The following HDGFL2 variants were observed in gnomAD, a reference collection of about 807,000 sequenced individuals.
HDGFL2 encodes the protein hepatoma-derived growth factor-related protein 2.
HDGFL2 carries 36 observed loss-of-function variants against 77.1 expected under a neutral mutation model. That is an observed-to-expected ratio of 0.47 (90% confidence interval 0.36 to 0.62). HDGFL2 has a LOEUF of 0.62. Among genes scored for constraint, HDGFL2 ranks in the 20% least tolerant of loss-of-function variants. The pLI is 0.00. For synonymous variants in HDGFL2, 463 were observed against 413.1 expected (o/e 1.12, Z -1.46); for missense variants, 976 against 973.4 (o/e 1.00, Z -0.04).
chr19:4,491,249 A>G (rs146996239), intron 4 of HDGFL2, among the ~76,000 whole-genome samples: 1 of 39,474 alleles, frequency 2.5e-5, no homozygotes, highest in Admixed American at 2.9e-4. Context: ...CACTCCCACC[A>G]CCCACCCCCC....
rs191044122 is a variant in HDGFL2, at chr19:4,481,151, A to T, written c.288+5568A>T. On this transcript the variant is annotated intron_variant, in intron 3 of 15. Transcript: ENST00000616600. ...ATTCTCCTGCCTCAGCCTCCCGAGT[A>T]GCTGGGACTACAGGCGTCCCCCACC... Among the ~76,000 whole-genome samples the T allele has an allele frequency of 5.7e-3, 821 of 145,250 alleles. 10 individuals are homozygous for T. The highest frequency in any genetic ancestry group is 0.02 in the African/African-American group (780 of 39,120).
chr19:4,497,823 C>T (rs976492880), intron 10 of HDGFL2, 135 bp from the exon 11 acceptor site: 31 of 760,778 alleles, frequency 4.1e-5, no homozygotes, highest in African/African-American at 1.4e-4. Context: ...CCCCGCCTCC[C>T]GTTTCCCGGC....
rs187866505 is a variant in HDGFL2, at chr19:4,482,950, G to C, written c.289-5726G>C. On this transcript the variant is annotated intron_variant, in intron 3 of 15. Transcript: ENST00000616600. The stretch of plus-strand genomic sequence containing the variant: ...GGAGGGAGCGACCAGGAAGGAGCCC[G>C]GGGCTCCTCATTCTCTGAGCTGCTA... Among the ~76,000 whole-genome samples the C allele has an allele frequency of 2.3e-3, 356 of 152,176 alleles. 1 individual carries two copies. The highest frequency in any genetic ancestry group is 7.8e-3 in the African/African-American group (325 of 41,546).
At chr19:4,494,511 C>T in intron 9 of HDGFL2, 36 bp downstream of exon 9, 1 of 1,341,676 alleles carries the variant, frequency 7.5e-7, no homozygotes, top group Non-Finnish European at 9.6e-7. Context: ...CCTGCCTTCA[C>T]TCCACACGTT....
rs1459303588 is a variant in HDGFL2 at position 4,475,921 on chromosome 19, G to T, written c.288+338G>T. Among the ~76,000 whole-genome samples, 7 of 148,550 alleles carry T rather than the reference G, an allele frequency of 4.7e-5. No individual in the cohort carries two copies. In the South Asian group the frequency reaches 8.4e-4, roughly 18 times the overall value. On this transcript the variant is annotated intron_variant, in intron 3 of 15. Transcript: ENST00000616600. ...TTTTTTTTTTTTGAGACAGAGTCTCGCTCTGTTGTCCAGGATGGAGTGCAG... is the reference window on the plus strand; with the variant it reads ...TTTTTTTTTTTTGAGACAGAGTCTCTCTCTGTTGTCCAGGATGGAGTGCAG...
chr19:4,488,674 A>G lies in HDGFL2; in HGVS notation c.289-2A>G. 6.5e-7 allele frequency: 1 copy of G among 1,541,992 alleles called. No homozygotes were observed. ...GCGCGTTCTCTGCCCCGACTCCCAC[A>G]GCCAGTGAGCTCCTCCGACAGCGAG... On this transcript the variant is annotated splice_acceptor_variant, in intron 3 of 15. Transcript: ENST00000616600. LOFTEE classifies it high-confidence loss of function.
At chr19:4,499,860 T>C (rs529241584) in intron 14 of HDGFL2, among the ~76,000 whole-genome samples, 156 bp downstream of exon 14, 2 of 152,324 alleles carry the variant, frequency 1.3e-5, no homozygotes, top group South Asian at 4.1e-4. Context: ...AGACCCGGCT[T>C]TAATCCCTGG....
rs757246847 is a variant in HDGFL2 at position 4,501,976 on chromosome 19, G to T, written c.1982G>T (p.Arg661Leu). The T allele has an allele frequency of 3.3e-6, 5 of 1,511,728 alleles. No individual in the cohort carries two copies. The highest frequency in any genetic ancestry group is 2.5e-5 in the South Asian group (2 of 79,314). The allele number at this position is 1,511,728 out of a possible 1,614,324, so 93.6% of individuals were successfully genotyped here. Residue 661 changes from arginine (R) to leucine (L), a missense_variant, in exon 16 of 16, where the codon CGG (arginine) becomes CTG (leucine). Coordinates refer to ENST00000616600, the MANE Select transcript of HDGFL2 (RefSeq NM_001001520.3). The part of the protein sequence containing the change: ...GSDRQERERA[R>L]GDSEALDEES Reference sequence around the variant, plus strand: ...GACCGGCAGGAGCGCGAGAGGGCACGGGGGGACTCGGAGGCCCTGGACGAG... The same window carrying T: ...GACCGGCAGGAGCGCGAGAGGGCACTGGGGGACTCGGAGGCCCTGGACGAG...
intron 2 of HDGFL2, 29 bp from the exon 3 acceptor site, chr19:4,475,416 T>C (rs372544022): frequency 3.8e-5 from 61 of 1,613,880 alleles, no homozygotes; most frequent in Non-Finnish European, 4.8e-5. Flanking sequence ...CTCACTCACC[T>C]GGGACTGGCC....
Position 4,483,252 on chromosome 19 carries a change from C to G in HDGFL2, c.289-5424C>G, listed in dbSNP as rs888550175. Among the ~76,000 whole-genome samples the G allele has an allele frequency of 2.0e-5, 3 of 152,334 alleles. No homozygotes were observed. The East Asian group carries it at 5.8e-4, about 29-fold the overall frequency. On this transcript the variant is annotated intron_variant, in intron 3 of 15. Transcript: ENST00000616600. The stretch of plus-strand genomic sequence containing the variant: ...CCGAGCGGTGACGCTTCACCACACC[C>G]GGTTCTCGTTTTCCTTGTGTGCTGA...
chr19:4,487,654 C>G (rs139161469), intron 3 of HDGFL2, among the ~76,000 whole-genome samples: 11 of 152,288 alleles, frequency 7.2e-5, no homozygotes, highest in Non-Finnish European at 1.3e-4. Flanking sequence ...CAGGGTCTCC[C>G]GCTAGAAAAC....
Position 4,490,461 on chromosome 19 carries a change from G to A in HDGFL2, c.490-1105G>A, listed in dbSNP as rs560657826. On this transcript the variant is annotated intron_variant, in intron 4 of 15. Transcript: ENST00000616600. ...CGGTGTGTTGATCCACATGTCGCTG[G>A]CCATTTGGGTTGTTTCCACTTTTGG... Among the ~76,000 whole-genome samples, 106 of 152,278 alleles carry A rather than the reference G, an allele frequency of 7.0e-4. 1 individual carries two copies. The highest frequency in any genetic ancestry group is 2.2e-4 in the Non-Finnish European group (15 of 68,028).
chr19:4,492,753 T>C (rs1975554817), intron 6 of HDGFL2, among the ~76,000 whole-genome samples: 1 of 134,160 alleles, frequency 7.5e-6, no homozygotes, highest in South Asian at 2.2e-4. Context: ...TGGGTGTTTG[T>C]GTGTCTGGTG....
At chr19:4,492,846 GTGT>G (rs1320857044) in intron 6 of HDGFL2, among the ~76,000 whole-genome samples, 3 of 149,574 alleles carry the variant, frequency 2.0e-5, no homozygotes, top group Admixed American at 1.3e-4. Flanking sequence ...TGTGGTGTGT[GTGT>G]TGTCTGTGTG....
intron 4 of HDGFL2, among the ~76,000 whole-genome samples, chr19:4,491,309 C>A (rs1247680257): frequency 7.1e-6 from 1 of 141,822 alleles, no homozygotes; most frequent in Admixed American, 7.3e-5. Context: ...TGCCCCTCAT[C>A]CTACTTTCTG....
rs1599720031 is a variant in HDGFL2 at position 4,494,420 on chromosome 19, G to A, written c.1169G>A (p.Gly390Asp). The A allele has an allele frequency of 7.1e-7, 1 of 1,408,684 alleles. No homozygotes were observed. Among genetic ancestry groups the A allele is most frequent in the Non-Finnish European group, 9.2e-7 (1 of 1,086,606 alleles). 87.3% of individuals were successfully genotyped at this position (1,408,684 alleles called of 1,614,324 possible). Residue 390 changes from glycine to aspartate, a missense_variant, in exon 9 of 16, where the codon GGC (glycine) becomes GAC (aspartate). Gly to Asp is a moderately conservative substitution (Grantham distance 94, BLOSUM62 -1). Transcript: ENST00000616600. ...PVKKRGRKGR[G>D]RGPPSSSDSE... Reference sequence around the variant, plus strand: ...AAGAAGCGGGGACGCAAGGGCCGGGGCCGGGGTCCCCCGTCCTCCTCTGAC... The same window carrying A: ...AAGAAGCGGGGACGCAAGGGCCGGGACCGGGGTCCCCCGTCCTCCTCTGAC...
At chr19:4,495,260 T>C (rs10414654) in intron 9 of HDGFL2, among the ~76,000 whole-genome samples, 142,120 of 151,728 alleles carry the variant, frequency 0.94, 66,835 homozygotes, top group East Asian at 0.99. Context: ...TTGTGGCAGG[T>C]GCCTGTAGTC....
chr19:4,493,348 T>G lies in HDGFL2; in HGVS notation c.679-355T>G, dbSNP rs1293101861. ...GTGGCGTGTGTGTTTGGCAGGGTAC[T>G]CGGGTGGAGGCGGTAGAGCACGGCA... On this transcript the variant is annotated intron_variant, in intron 6 of 15. Transcript: ENST00000616600. Among the ~76,000 whole-genome samples, 5 of 150,326 alleles carry G rather than the reference T, an allele frequency of 3.3e-5. No individual in the cohort carries two copies. In the Admixed American group the frequency reaches 3.3e-4, roughly 10 times the overall value.
chr19:4,498,877 C>T lies in HDGFL2; in HGVS notation c.1537C>T (p.Leu513Phe). ...AACCCTGCAGGTGACCTCTCAGATC[C>T]TCCAGAAGAACACAGACGTGGTGGC... Reference protein sequence around the residue: ...LGTLQVTSQILQKNTDVVATL... With the variant: ...LGTLQVTSQIFQKNTDVVATL... Residue 513 changes from leucine (L) to phenylalanine (F), a missense_variant, in exon 13 of 16, where the codon CTC (leucine) becomes TTC (phenylalanine). Coordinates refer to ENST00000616600, the MANE Select transcript of HDGFL2 (RefSeq NM_001001520.3). 1 of 1,612,206 alleles carries T rather than the reference C, an allele frequency of 6.2e-7. No homozygotes were observed. Among genetic ancestry groups the T allele is most frequent in the Non-Finnish European group, 8.5e-7 (1 of 1,179,100 alleles).
Sources: gnomAD v4.1 joint callset for allele counts (sites outside exome capture counted in the v4.1 genomes callset) on GRCh38, gnomAD v4.1.1 for gene constraint, MANE v1.5 for transcripts, NCBI Gene and HGNC (gene_info 2026-07-23, HGNC 2026-07-21) for gene names.